Variants in TEX14 observed in about 807,000 individuals in gnomAD.
TEX14 encodes inactive serine/threonine-protein kinase TEX14.
In TEX14, 168 loss-of-function variants were observed where a neutral mutation model predicts 178.6. That is an observed-to-expected ratio of 0.94 (90% CI 0.83 to 1.07). TEX14 has a LOEUF of 1.07. TEX14 is among the 50% of genes least tolerant of loss of function. The pLI, the probability that TEX14 is intolerant of heterozygous loss-of-function variation, is 0.00. For synonymous variants in TEX14, 626 were observed against 634.1 expected (o/e 0.99, Z 0.19); for missense variants, 1,730 against 1,753.6 (o/e 0.99, Z 0.24).
intron 18 of TEX14, 146 bp downstream of exon 18, chr17:58,585,655 C>G (rs1341409266): frequency 4.7e-6 from 1 of 213,640 alleles, no homozygotes; most frequent in Non-Finnish European, 8.9e-6. Context: ...CAGGTTTCAT[C>G]ATGTTGACCA....
chr17:58,587,853 A>ACCCCCCCCCC, intron 16 of TEX14, 43 bp downstream of exon 16: 1 of 603,446 alleles, frequency 1.7e-6, no homozygotes. Context: ...ACCCACCCCC[A>ACCCCCCCCCC]CCCCCGCTCC....
At chr17:58,590,500 C>A (rs2045104590) in intron 15 of TEX14, among the ~76,000 whole-genome samples, 1 of 151,940 alleles carries the variant, frequency 6.6e-6, no homozygotes, top group South Asian at 2.1e-4. Context: ...AATGAAGCAA[C>A]CTAAAATTCA....
chr17:58,654,002 C>T (rs2046895214), intron 1 of TEX14, among the ~76,000 whole-genome samples: 2 of 151,882 alleles, frequency 1.3e-5, no homozygotes, highest in Non-Finnish European at 2.9e-5. Flanking sequence ...AATAGTGAAA[C>T]CCCATCTTTA....
At position 58,617,207 on chromosome 17, in the gene TEX14, C is replaced by T. The variant is rs139790625; in HGVS notation, c.636+331G>A. Among the ~76,000 whole-genome samples, 1,063 of 151,822 alleles carry T rather than the reference C, an allele frequency of 7.0e-3. 13 individuals carry two copies. The highest frequency in any genetic ancestry group is 0.024 in the African/African-American group (983 of 41,382). On this transcript the variant is annotated intron_variant, in intron 6 of 31. Transcript: ENST00000349033. ...AGGTTGCAGCAGTGAGCCAAGATCG[C>T]GCCACTGCACTCCAGCCTGGGCAAC...
chr17:58,586,670 A>G (rs2044982587), intron 17 of TEX14, among the ~76,000 whole-genome samples: 1 of 152,090 alleles, frequency 6.6e-6, no homozygotes, highest in South Asian at 2.1e-4. Flanking sequence ...TATATAGTAA[A>G]TATCTATGTA....
intron 1 of TEX14, among the ~76,000 whole-genome samples, chr17:58,690,787 A>G (rs1044445941): frequency 6.6e-6 from 1 of 152,182 alleles, no homozygotes; most frequent in Non-Finnish European, 1.5e-5. Context: ...TCTCCCCGCC[A>G]GTAGGGACTC....
At chr17:58,661,279 A>G in intron 1 of TEX14, 1 of 806,092 alleles carries the variant, frequency 1.2e-6, no homozygotes, top group South Asian at 1.3e-5. Flanking sequence ...AGTGTTCGCG[A>G]GCCTGCTGCA....
intron 2 of TEX14, among the ~76,000 whole-genome samples, chr17:58,635,839 G>A (rs903549925): frequency 5.9e-5 from 9 of 151,866 alleles, no homozygotes; most frequent in Admixed American, 3.9e-4. Context: ...AACCTCCAGC[G>A]GGTTCAAGCG....
intron 1 of TEX14, among the ~76,000 whole-genome samples, chr17:58,659,957 A>G (rs868172016): frequency 2.0e-5 from 3 of 149,974 alleles, no homozygotes; most frequent in Admixed American, 6.7e-5. Context: ...TCGGCCTCCC[A>G]AAGTGCTGGG....
In TEX14 at chr17:58,666,169, G is replaced by A. The variant is rs76335697; in HGVS notation, c.-1-14167C>T. Among the ~76,000 whole-genome samples, 5 of 151,764 alleles carry A rather than the reference G, an allele frequency of 3.3e-5. No individual in the cohort carries two copies. The South Asian group carries it at 6.2e-4, about 19-fold the overall frequency. ...ACCAGCCTTGCCAACATGGTAAGAC[G>A]CCATCTCTACTAAAAATGCAAAAAT... is the stretch of plus-strand genomic sequence containing the variant. On this transcript the variant is annotated intron_variant, in intron 1 of 31. Transcript: ENST00000349033.
intron 2 of TEX14, among the ~76,000 whole-genome samples, chr17:58,643,797 A>G (rs1408174615): frequency 7.3e-6 from 1 of 137,048 alleles, no homozygotes; most frequent in Admixed American, 8.1e-5. Flanking sequence ...GCTTGAACCC[A>G]GGAGGTGGAG....
chr17:58,586,271 G>A (rs1382887188), intron 17 of TEX14, among the ~76,000 whole-genome samples, 189 bp from the exon 18 acceptor site: 1 of 152,162 alleles, frequency 6.6e-6, no homozygotes, highest in Non-Finnish European at 1.5e-5. Flanking sequence ...GACAGAGAGA[G>A]AGAAGGGAAT....
intron 4 of TEX14, among the ~76,000 whole-genome samples, chr17:58,622,561 G>A (rs2046024029): frequency 6.6e-6 from 1 of 152,126 alleles, no homozygotes; most frequent in South Asian, 2.1e-4. Flanking sequence ...TGAAGATTGA[G>A]TTAATATATA....
chr17:58,600,719 G>A (rs1314070123), intron 13 of TEX14, among the ~76,000 whole-genome samples: 3 of 152,056 alleles, frequency 2.0e-5, no homozygotes, highest in Non-Finnish European at 4.4e-5. Flanking sequence ...AAAGTAATGA[G>A]GTTACAGGGC....
At chr17:58,678,255 A>T (rs12939313) in intron 1 of TEX14, among the ~76,000 whole-genome samples, 22,527 of 152,206 alleles carry the variant, frequency 0.15, 2,026 homozygotes, top group Non-Finnish European at 0.19. Context: ...AGGACACTGG[A>T]AGACAGTGTG....
At chr17:58,613,658 C>CTT (rs1256593595) in intron 8 of TEX14, 114 bp from the exon 9 acceptor site, 1 of 1,119,024 alleles carries the variant, frequency 8.9e-7, no homozygotes, top group Non-Finnish European at 1.3e-6. Context: ...ACGATGTTTT[C>CTT]TTTTCTTTTC....
intron 2 of TEX14, among the ~76,000 whole-genome samples, chr17:58,639,624 C>T (rs961847415): frequency 2.6e-5 from 4 of 152,038 alleles, no homozygotes; most frequent in African/African-American, 7.2e-5. Flanking sequence ...CGCTTGAACC[C>T]GGGAGGCGGA....
At chr17:58,605,207 A>C in intron 10 of TEX14, 78 bp from the exon 11 acceptor site, 1 of 1,491,976 alleles carries the variant, frequency 6.7e-7, no homozygotes, top group Non-Finnish European at 9.1e-7. Context: ...TCATTCTTTC[A>C]TTCATTCAGA....
intron 2 of TEX14, among the ~76,000 whole-genome samples, chr17:58,638,821 T>C (rs1041428060): frequency 5.3e-5 from 8 of 150,934 alleles, no homozygotes; most frequent in East Asian, 3.9e-4. Context: ...ATTACAGGCA[T>C]GAGCCACTGC....
Sources: gnomAD v4.1 joint callset for allele counts (sites outside exome capture counted in the v4.1 genomes callset) on GRCh38, gnomAD v4.1.1 for gene constraint, MANE v1.5 for transcripts, NCBI Gene and HGNC (gene_info 2026-07-23, HGNC 2026-07-21) for gene names.